The following KDM8 variants were observed in gnomAD, a reference collection of about 807,000 sequenced individuals.
The protein encoded by KDM8 is lysine demethylase 8.
Under a neutral mutation model 46.9 loss-of-function variants are expected in KDM8, and 35 were observed. The ratio of observed to expected loss-of-function variants is 0.75; its 90% CI spans 0.57 to 0.99. The LOEUF (loss-of-function observed/expected upper bound fraction) is 0.99, where lower values mean the gene tolerates loss of function less well. Among genes scored for constraint, KDM8 ranks in the 50% least tolerant of loss-of-function variants. The pLI is 0.00. For missense variants in KDM8, 475 were observed against 537.0 expected (o/e 0.88, Z 1.14); for synonymous variants, 232 against 227.7 (o/e 1.02, Z -0.17).
chr16:27,204,398 G>T, intron 1 of KDM8: 2 of 1,219,816 alleles, frequency 1.6e-6, no homozygotes, highest in Non-Finnish European at 2.1e-6. Context: ...GAGCCAAAGG[G>T]ATCCCTGTGC....
chr16:27,219,745 A>C (rs56100443), intron 6 of KDM8, among the ~76,000 whole-genome samples: 4,959 of 152,284 alleles, frequency 0.033, 108 homozygotes, highest in Middle Eastern at 0.058. Flanking sequence ...CAGCTCATTT[A>C]ATCTCTCTGT....
At chr16:27,212,455 C>T (rs949666834) in intron 2 of KDM8, among the ~76,000 whole-genome samples, 6 of 152,144 alleles carry the variant, frequency 3.9e-5, no homozygotes, top group Admixed American at 2.0e-4. Context: ...CTCTGCAGGC[C>T]GGGCATGGTG....
intron 2 of KDM8, 58 bp downstream of exon 2, chr16:27,210,679 G>A (rs2083474307): frequency 1.4e-6 from 2 of 1,471,200 alleles, no homozygotes; most frequent in East Asian, 4.7e-5. Context: ...TGTTGTTCTA[G>A]AAATTCCGAG....
In KDM8 at chr16:27,210,611, C is replaced by T; in HGVS notation, c.488C>T (p.Pro163Leu). 6.6e-7 allele frequency: 1 copy of T among 1,513,050 alleles called. No individual in the cohort carries two copies. Among genetic ancestry groups the T allele is most frequent in the East Asian group, 2.3e-5 (1 of 43,906 alleles). The allele number at this position is 1,513,050 out of a possible 1,614,324, so 93.7% of individuals were successfully genotyped here. A position where few individuals can be genotyped will look rare whatever the true frequency, so the allele number is the denominator to read the frequency against. The part of the protein sequence containing the change: ...RPARGSLPEQ[P>L]CTKKARADHG... Reference sequence around the variant, plus strand: ...GCCCGTGGCTCCCTCCCAGAGCAACCCTGCACAAAGGTATGTGGGGGAGAT... The same window carrying T: ...GCCCGTGGCTCCCTCCCAGAGCAACTCTGCACAAAGGTATGTGGGGGAGAT... Residue 163 changes from proline (P) to leucine (L), a missense_variant, in exon 2 of 8, where the codon CCC becomes CTC. Coordinates refer to ENST00000286096, the MANE Select transcript of KDM8 (RefSeq NM_024773.3).
chr16:27,204,916 C>T (rs895583841), intron 1 of KDM8, among the ~76,000 whole-genome samples: 1 of 152,288 alleles, frequency 6.6e-6, no homozygotes, highest in Non-Finnish European at 1.5e-5. Flanking sequence ...ATCACAGCTG[C>T]TTGGGCGGCT....
intron 2 of KDM8, among the ~76,000 whole-genome samples, chr16:27,212,284 G>C (rs995195700): frequency 6.6e-6 from 1 of 152,240 alleles, no homozygotes; most frequent in Non-Finnish European, 1.5e-5. Context: ...TTCATCTTTG[G>C]CTGTTAAGTT....
At position 27,210,404 on chromosome 16, in the gene KDM8, T is replaced by A; in HGVS notation, c.281T>A (p.Val94Asp). The A allele has an allele frequency of 6.2e-7, 1 of 1,610,164 alleles. No individual in the cohort carries two copies. The highest frequency in any genetic ancestry group is 1.7e-5 in the Admixed American group (1 of 59,958). Residue 94 changes from valine to aspartate, a missense_variant, in exon 2 of 8, where the codon GTC (valine) becomes GAC (aspartate). Physicochemically the swap from Val to Asp is radical, Grantham distance 152. Transcript: ENST00000286096. Reference sequence around the variant, plus strand: ...GACGTAGACAAAGACTGGCGCCGGGTCTACGCCATCGGCTGCCTCCTGAAA... The same window carrying A: ...GACGTAGACAAAGACTGGCGCCGGGACTACGCCATCGGCTGCCTCCTGAAA... ...WQDVDKDWRR[V>D]YAIGCLLKAL... is the part of the protein sequence containing the mutation.
intron 2 of KDM8, chr16:27,211,600 T>C (rs1217773879): frequency 2.0e-5 from 3 of 152,696 alleles, no homozygotes; most frequent in African/African-American, 7.2e-5. Context: ...ACTAGACACT[T>C]GGTAGTGGAA....
chr16:27,220,227 A>T lies in KDM8; in HGVS notation c.994-166A>T, dbSNP rs188952703. 48 of 680,350 alleles carry T rather than the reference A, an allele frequency of 7.1e-5. No individual in the cohort carries two copies. The East Asian group carries it at 8.1e-4, about 11-fold the overall frequency. The allele number at this position is 680,350 out of a possible 1,614,324, so 42.1% of individuals were successfully genotyped here. Reference sequence around the variant, plus strand: ...CCGAGTGAGACCCTGTCTCTAAAAAATAAAAAAGAAAGAAAAACATACACG... The same window carrying T: ...CCGAGTGAGACCCTGTCTCTAAAAATTAAAAAAGAAAGAAAAACATACACG... On this transcript the variant is annotated intron_variant, in intron 6 of 7. Coordinates refer to ENST00000286096, the MANE Select transcript of KDM8 (RefSeq NM_024773.3).
chr16:27,220,532 C>T, intron 7 of KDM8, 34 bp from the exon 8 acceptor site: 1 of 1,614,074 alleles, frequency 6.2e-7, no homozygotes. Flanking sequence ...TCCCCACTGC[C>T]CCTGGAGATG....
intron 1 of KDM8, among the ~76,000 whole-genome samples, chr16:27,205,202 G>T (rs1296615826): frequency 1.3e-5 from 2 of 152,090 alleles, no homozygotes; most frequent in Non-Finnish European, 2.9e-5. Context: ...TTTTATACAG[G>T]TTATACTTGG....
At chr16:27,204,869 A>G (rs901439656) in intron 1 of KDM8, among the ~76,000 whole-genome samples, 1 of 152,204 alleles carries the variant, frequency 6.6e-6, no homozygotes, top group African/African-American at 2.4e-5. Flanking sequence ...TCTACTAAAA[A>G]TAAAAAATTA....
At chr16:27,213,401 C>A in intron 2 of KDM8, 184 bp from the exon 3 acceptor site, 2 of 533,376 alleles carry the variant, frequency 3.7e-6, no homozygotes, top group Non-Finnish European at 6.4e-6. Context: ...AGAAAAAAAC[C>A]ACCTTGATCT....
chr16:27,205,241 A>G (rs1390244700), intron 1 of KDM8, among the ~76,000 whole-genome samples: 1 of 152,184 alleles, frequency 6.6e-6, no homozygotes, highest in Non-Finnish European at 1.5e-5. Flanking sequence ...GACCAACAAG[A>G]AGGCTTTTAT....
rs766552080 is a variant in KDM8, at chr16:27,220,435, T to G, written c.1036T>G (p.Ser346Ala). The G allele has an allele frequency of 6.2e-7, 1 of 1,613,696 alleles. No individual in the cohort carries two copies. The highest frequency in any genetic ancestry group is 8.5e-7 in the Non-Finnish European group (1 of 1,179,936). The change falls in exon 7 of 8, where the codon TCA (serine) becomes GCA (alanine). Residue 346 changes from serine to alanine, a missense_variant. Physicochemically the swap from Ser to Ala is moderately conservative, Grantham distance 99. Transcript: ENST00000286096. ...KYIRLYSPQESGALYPHDTHL... is the reference protein window; with the variant it reads ...KYIRLYSPQEAGALYPHDTHL... ...CATCCGGCTGTATTCCCCGCAGGAGTCAGGGGCTCTGTACCCTCATGACAC... is the reference window on the plus strand; with the variant it reads ...CATCCGGCTGTATTCCCCGCAGGAGGCAGGGGCTCTGTACCCTCATGACAC...
Position 27,214,977 on chromosome 16 carries a change from A to T in KDM8, c.767A>T (p.Asn256Ile). Residue 256 changes from asparagine (N) to isoleucine (I), a missense_variant, in exon 4 of 8, where the codon AAC becomes ATC. Coordinates refer to ENST00000286096, the MANE Select transcript of KDM8 (RefSeq NM_024773.3). ...EEWSQTLMTV[N>I]EFISKYIVNE... Reference sequence around the variant, plus strand: ...TGGTCCCAGACCCTCATGACGGTCAACGAGTTCATCAGCAAATACATCGTG... The same window carrying T: ...TGGTCCCAGACCCTCATGACGGTCATCGAGTTCATCAGCAAATACATCGTG... 6.2e-7 allele frequency: 1 copy of T among 1,614,208 alleles called. No homozygotes were observed. The highest frequency in any genetic ancestry group is 8.5e-7 in the Non-Finnish European group (1 of 1,180,026).
intron 4 of KDM8, among the ~76,000 whole-genome samples, 189 bp from the exon 5 acceptor site, chr16:27,215,756 G>A (rs960104614): frequency 6.6e-6 from 1 of 152,148 alleles, no homozygotes; most frequent in Non-Finnish European, 1.5e-5. Flanking sequence ...TACAAACTGG[G>A]TACCCCGGTG....
At chr16:27,207,358 G>A (rs1192393703) in intron 1 of KDM8, among the ~76,000 whole-genome samples, 6 of 152,190 alleles carry the variant, frequency 3.9e-5, no homozygotes, top group African/African-American at 1.2e-4. Context: ...GCAGTGAGCC[G>A]AGATCGCATC....
chr16:27,210,546 C>G lies in KDM8; in HGVS notation c.423C>G (p.Val141=). 1.3e-6 allele frequency: 2 copies of G among 1,534,422 alleles called. No homozygotes were observed. Among genetic ancestry groups the G allele is most frequent in the South Asian group, 2.6e-5 (2 of 78,070 alleles). ...AAILGDILLK[V]AAILQTHLPG... ...TCCTGGGGGACATCCTTCTTAAAGTCGCTGCCATCCTCCAGACACACCTCC... is the reference window on the plus strand; with the variant it reads ...TCCTGGGGGACATCCTTCTTAAAGTGGCTGCCATCCTCCAGACACACCTCC... The change falls in exon 2 of 8, where the codon GTC becomes GTG. Residue 141 remains valine (V), a synonymous_variant. Coordinates refer to ENST00000286096, the MANE Select transcript of KDM8 (RefSeq NM_024773.3).
Sources: allele counts gnomAD v4.1 joint callset (sites outside exome capture counted in the v4.1 genomes callset), GRCh38; gene constraint gnomAD v4.1.1; transcripts MANE v1.5; gene names NCBI Gene and HGNC (gene_info 2026-07-23, HGNC 2026-07-21).